The following CACNA1A variants were observed in gnomAD, a reference collection of about 807,000 sequenced individuals.
The protein encoded by CACNA1A is voltage-dependent P/Q-type calcium channel subunit alpha-1A.
A neutral mutation model predicts 262.4 loss-of-function variants in CACNA1A; 57 were observed. The ratio of observed to expected loss-of-function variants is 0.22; its 90% CI spans 0.18 to 0.27. The LOEUF is 0.27. Among genes scored for constraint, CACNA1A ranks in the 10% least tolerant of loss-of-function variants. The pLI, the probability that CACNA1A is intolerant of heterozygous loss-of-function variation, is 1.00. For missense variants in CACNA1A, 2,526 were observed against 3,562.8 expected (o/e 0.71, Z 7.41); for synonymous variants, 1,431 against 1,419.3 (o/e 1.01, Z -0.18).
In CACNA1A at chr19:13,207,287, C is replaced by A. The variant is rs760996397; in HGVS notation, c.*26G>T. 3 of 1,529,210 alleles carry A rather than the reference C, an allele frequency of 2.0e-6. No homozygotes were observed. In the Admixed American group the frequency reaches 5.9e-5, roughly 30 times the overall value. The allele number at this position is 1,529,210 out of a possible 1,614,324, so 94.7% of individuals were successfully genotyped here. A position where few individuals can be genotyped will look rare whatever the true frequency, so the allele number is the denominator to read the frequency against. ...GTGTGTGCGTGGGGTGCGTGGGGGG[C>A]CGGGCGGGCGCCACCTCGCCCGGGC... On this transcript the variant is annotated 3_prime_UTR_variant, in exon 47 of 47. Coordinates refer to ENST00000360228, the MANE Select transcript of CACNA1A (RefSeq NM_001127222.2). This position sits in a 1 kb window ranked among gnomAD's most constrained non-coding sequence, Gnocchi z 5.7.
intron 30 of CACNA1A, among the ~76,000 whole-genome samples, chr19:13,247,573 G>A (rs1168583420): frequency 1.3e-5 from 2 of 152,086 alleles, no homozygotes; most frequent in African/African-American, 4.8e-5. Context: ...GGTGGTGCGC[G>A]CCTGTAGTCC....
chr19:13,381,600 T>C (rs534644015), intron 3 of CACNA1A, among the ~76,000 whole-genome samples: 4 of 152,274 alleles, frequency 2.6e-5, no homozygotes, highest in Non-Finnish European at 5.9e-5. Flanking sequence ...CATATGAATA[T>C]GTCAGGGAAA....
rs750147540 is a variant in CACNA1A at position 13,261,400 on chromosome 19, CT to C, written c.4250+49del. 3,617 of 1,507,684 alleles carry C rather than the reference CT, an allele frequency of 2.4e-3. 4 individuals carry two copies. The highest frequency in any genetic ancestry group is 3.1e-3 in the Non-Finnish European group (3,410 of 1,116,636). 93.4% of individuals were successfully genotyped at this position (1,507,684 alleles called of 1,614,324 possible). On this transcript the variant is annotated intron_variant, in intron 26 of 46. Transcript: ENST00000360228. ...GCCAATGCCTCTAGCCACTTCCCCC[CT>C]GCCCACCTGCTGGTTCCAATGGGAA... is the stretch of plus-strand genomic sequence containing the variant.
In CACNA1A at chr19:13,378,968, C is replaced by CT. The variant is rs35618538; in HGVS notation, c.540-7190dup. ...ACAGGCATGAGCCACTGTGCCCAGC[C>CT]TTTTTTTTTTTTTTTTTTAATTTTT... On this transcript the variant is annotated intron_variant, in intron 3 of 46. Coordinates refer to ENST00000360228, the MANE Select transcript of CACNA1A (RefSeq NM_001127222.2). 3.9e-3 allele frequency among the ~76,000 whole-genome samples: 506 copies of CT among 129,466 alleles called. 1 individual carries two copies. Among genetic ancestry groups the CT allele is most frequent in the Middle Eastern group, 8.5e-3 (2 of 236 alleles). 84.9% of individuals were successfully genotyped at this position (129,466 alleles called of 152,430 possible). A position where few individuals can be genotyped will look rare whatever the true frequency, so the allele number is the denominator to read the frequency against.
In CACNA1A at chr19:13,218,243, G is replaced by A. The variant is rs2419235; in HGVS notation, c.5732-3635C>T. Among the ~76,000 whole-genome samples the A allele has an allele frequency of 5.7e-3, 866 of 152,018 alleles. 11 individuals are homozygous for A. Among genetic ancestry groups the A allele is most frequent in the African/African-American group, 0.02 (831 of 41,474 alleles). ...GTAGCTGGGATTACAGCCGCCCGCC[G>A]CCACGCCTGGATAATTTTCCATACA... is the stretch of plus-strand genomic sequence containing the variant. On this transcript the variant is annotated intron_variant, in intron 38 of 46. Coordinates refer to ENST00000360228, the MANE Select transcript of CACNA1A (RefSeq NM_001127222.2).
chr19:13,235,745 G>A lies in CACNA1A; in HGVS notation c.4951-15C>T, dbSNP rs1182288357. 1 of 1,581,614 alleles carries A rather than the reference G, an allele frequency of 6.3e-7. No homozygotes were observed. The highest frequency in any genetic ancestry group is 1.1e-5 in the South Asian group (1 of 90,396). The stretch of plus-strand genomic sequence containing the variant: ...ATGAAGTTATTCTGGGGAGATGGAG[G>A]AAGAGGGGTGACCATCCACCCACCC... On this transcript the variant is annotated splice_polypyrimidine_tract_variant and intron_variant, in intron 31 of 46. Coordinates refer to ENST00000360228, the MANE Select transcript of CACNA1A (RefSeq NM_001127222.2).
At chr19:13,422,115 G>A (rs529021892) in intron 3 of CACNA1A, among the ~76,000 whole-genome samples, 8 of 152,284 alleles carry the variant, frequency 5.3e-5, no homozygotes, top group East Asian at 1.9e-4. Context: ...GAGCCCAGGA[G>A]TTTGAGACCA....
chr19:13,478,423 T>A (rs2145068420), intron 1 of CACNA1A, among the ~76,000 whole-genome samples: 1 of 152,284 alleles, frequency 6.6e-6, no homozygotes, highest in East Asian at 1.9e-4. Context: ...GCTCAGGCAC[T>A]CTTCCCACCT....
chr19:13,480,370 T>C (rs1457630525), intron 1 of CACNA1A, among the ~76,000 whole-genome samples: 1 of 152,244 alleles, frequency 6.6e-6, no homozygotes, highest in African/African-American at 2.4e-5. Flanking sequence ...CTCTTCCTTA[T>C]GATTTTCTTA....
intron 4 of CACNA1A, among the ~76,000 whole-genome samples, chr19:13,368,670 G>A (rs1242057529): frequency 6.6e-6 from 1 of 152,170 alleles, no homozygotes; most frequent in Admixed American, 6.5e-5. Flanking sequence ...CTCTTGATGG[G>A]TGGAGACCAC....
Position 13,214,646 on chromosome 19 carries a change from TG to T in CACNA1A, c.5732-39del, listed in dbSNP as rs559922012. The stretch of plus-strand genomic sequence containing the variant: ...TGTAGACAGACCCTGACTGCCTGCC[TG>T]GGTGTCAGCTGGACTCTGGGTCAGC... On this transcript the variant is annotated intron_variant, in intron 38 of 46. Transcript: ENST00000360228. This position sits in a 1 kb window ranked among gnomAD's most constrained non-coding sequence, Gnocchi z 4.1. 2,115 of 1,499,192 alleles carry T rather than the reference TG, an allele frequency of 1.4e-3. 20 individuals are homozygous for T. The African/African-American group carries it at 0.025, about 18-fold the overall frequency. The allele number at this position is 1,499,192 out of a possible 1,614,324, so 92.9% of individuals were successfully genotyped here. A position where few individuals can be genotyped will look rare whatever the true frequency, so the allele number is the denominator to read the frequency against.
chr19:13,243,608 G>A (rs2056141865), intron 31 of CACNA1A: 1 of 151,788 alleles, frequency 6.6e-6, no homozygotes, highest in Admixed American at 6.6e-5. Context: ...CCAGGCTGGA[G>A]TGCAATGGTA....
At chr19:13,245,838 A>G (rs918001509) in intron 30 of CACNA1A, among the ~76,000 whole-genome samples, 6 of 151,636 alleles carry the variant, frequency 4.0e-5, no homozygotes, top group African/African-American at 1.2e-4. Context: ...CACCCAGCTA[A>G]TTTTTGTATT....
chr19:13,240,175 AG>A, intron 31 of CACNA1A, among the ~76,000 whole-genome samples: 2 of 148,096 alleles, frequency 1.4e-5, no homozygotes, highest in Middle Eastern at 7.2e-3. Context: ...AAAGAGCGAG[AG>A]AGAGAGAGAA....
At chr19:13,432,180 C>T (rs893385407) in intron 3 of CACNA1A, among the ~76,000 whole-genome samples, 90 of 150,620 alleles carry the variant, frequency 6.0e-4, no homozygotes, top group Admixed American at 5.3e-4. Context: ...TTTGGGAGGC[C>T]GAGGTGGGTG....
At chr19:13,419,278 C>T (rs1052938862) in intron 3 of CACNA1A, among the ~76,000 whole-genome samples, 1 of 152,184 alleles carries the variant, frequency 6.6e-6, no homozygotes, top group Non-Finnish European at 1.5e-5. Flanking sequence ...TAGGGTATGC[C>T]CCATAACTGA....
chr19:13,212,693 C>T lies in CACNA1A; in HGVS notation c.5988G>A (p.Thr1996=), dbSNP rs17846933. 3.6e-5 allele frequency: 54 copies of T among 1,508,718 alleles called. No individual in the cohort carries two copies. The East Asian group carries it at 7.6e-4, about 21-fold the overall frequency. The allele number at this position is 1,508,718 out of a possible 1,614,324, so 93.5% of individuals were successfully genotyped here. A position where few individuals can be genotyped will look rare whatever the true frequency, so the allele number is the denominator to read the frequency against. The change falls in exon 41 of 47, where the codon ACG becomes ACA. Residue 1996 remains threonine, a synonymous_variant. Coordinates refer to ENST00000360228, the MANE Select transcript of CACNA1A (RefSeq NM_001127222.2). This position sits in a 1 kb window ranked among gnomAD's most constrained non-coding sequence, Gnocchi z 5.6. The stretch of plus-strand genomic sequence containing the variant: ...CGTTCTGGCCAGGTCCCCCTTCCTG[C>T]GTTGGGGACGGGGGCTCCATGCGCT... ...MFQRMEPPSP[T]QEGGPGQNAL... is the part of the protein sequence containing the mutation.
chr19:13,375,244 A>T (rs994124415), intron 3 of CACNA1A, among the ~76,000 whole-genome samples: 3 of 152,102 alleles, frequency 2.0e-5, no homozygotes, highest in Admixed American at 6.6e-5. Flanking sequence ...CACGAACCAC[A>T]TCCATAGAAG....
Position 13,286,964 on chromosome 19 carries a change from T to G in CACNA1A, c.3092A>C (p.Glu1031Ala). The change falls in exon 20 of 47, where the codon GAG (glutamate) becomes GCG (alanine). Residue 1031 changes from glutamate to alanine, a missense_variant and splice_region_variant. This residue lies in a region of CACNA1A where 765 missense variants were observed against 748.6 expected (regional missense o/e 1.02). Transcript: ENST00000360228. ...CACAGGGACCCCGGAGCCCTGGTTC[T>G]CTCTGAGGAAGGCAAGTGAATGAAA... is the stretch of plus-strand genomic sequence containing the variant. Reference protein sequence around the residue: ...DKERRHRRRKENQGSGVPVSG... With the variant: ...DKERRHRRRKANQGSGVPVSG... 1 of 1,585,566 alleles carries G rather than the reference T, an allele frequency of 6.3e-7. No individual in the cohort carries two copies. Among genetic ancestry groups the G allele is most frequent in the Non-Finnish European group, 8.6e-7 (1 of 1,165,086 alleles).
Sources: gnomAD v4.1 joint callset for allele counts (sites outside exome capture counted in the v4.1 genomes callset) on GRCh38, gnomAD v4.1.1 for gene constraint, gnomAD v4.1.1 regional missense constraint, Gnocchi (gnomAD v3.1) non-coding constraint, MANE v1.5 for transcripts, NCBI Gene and HGNC (gene_info 2026-07-23, HGNC 2026-07-21) for gene names.